Variants in CSMD1 observed in about 807,000 individuals in gnomAD.
CSMD1 encodes CUB and Sushi multiple domains 1, also known as CUB and sushi domain-containing protein 1.
In CSMD1, 213 loss-of-function variants were observed where a neutral mutation model predicts 417.5. That is an observed-to-expected ratio of 0.51 (90% CI 0.46 to 0.57). The LOEUF is 0.57. Ranked by LOEUF, CSMD1 falls within the 20% of genes least tolerant of loss-of-function variation. The pLI is 0.00. For missense variants in CSMD1, 6,923 were observed against 4,529.7 expected, an observed-to-expected ratio of 1.53 and a Z score of -15.17; for synonymous variants, 2,862 against 1,736.8, an observed-to-expected ratio of 1.65 and a Z score of -16.11.
At chr8:3,597,378 C>A (rs569722459) in intron 8 of CSMD1, among the ~76,000 whole-genome samples, 4 of 70,236 alleles carry the variant, frequency 5.7e-5, no homozygotes, top group East Asian at 1.2e-3. Flanking sequence ...AATTAAACTG[C>A]CCCTAAAGCT....
chr8:4,271,065 G>C (rs370733024), intron 3 of CSMD1, among the ~76,000 whole-genome samples: 13 of 152,276 alleles, frequency 8.5e-5, no homozygotes, highest in African/African-American at 2.6e-4. Context: ...AGCTGGTGCA[G>C]AAAGTTCAGA....
At chr8:3,338,171 G>A (rs772022118) in intron 23 of CSMD1, among the ~76,000 whole-genome samples, 4 of 152,156 alleles carry the variant, frequency 2.6e-5, no homozygotes, top group Admixed American at 6.5e-5. Flanking sequence ...AAGACACAAC[G>A]TATTTGATAT....
At chr8:4,890,707 G>T (rs930693961) in intron 1 of CSMD1, among the ~76,000 whole-genome samples, 5 of 152,170 alleles carry the variant, frequency 3.3e-5, no homozygotes, top group African/African-American at 1.2e-4. Context: ...TGTTCTGCAT[G>T]TTATTAGGTC....
chr8:3,001,742 C>A (rs1436059123), intron 52 of CSMD1, among the ~76,000 whole-genome samples: 2 of 152,130 alleles, frequency 1.3e-5, no homozygotes, highest in Non-Finnish European at 2.9e-5. Context: ...AGCCTTCAGT[C>A]CATGCAAAAT....
intron 25 of CSMD1, among the ~76,000 whole-genome samples, chr8:3,304,591 CTTTAAA>C (rs2117363683): frequency 1.3e-5 from 2 of 152,102 alleles, no homozygotes; most frequent in South Asian, 4.2e-4. Flanking sequence ...GAAGTTTATG[CTTTAAA>C]TTTAATAGAT....
chr8:3,592,919 G>A (rs1378279005), intron 8 of CSMD1, among the ~76,000 whole-genome samples: 1 of 152,042 alleles, frequency 6.6e-6, no homozygotes, highest in South Asian at 2.1e-4. Context: ...AAAGCCCACA[G>A]TGTGGAATCG....
intron 23 of CSMD1, among the ~76,000 whole-genome samples, chr8:3,329,851 G>C (rs1806780134): frequency 6.6e-6 from 1 of 152,190 alleles, no homozygotes; most frequent in Admixed American, 6.5e-5. Context: ...ACAGGGCACA[G>C]TGCCTATGGC....
chr8:4,239,134 C>T (rs1487787986), intron 3 of CSMD1, among the ~76,000 whole-genome samples: 3 of 152,198 alleles, frequency 2.0e-5, no homozygotes, highest in African/African-American at 7.2e-5. Context: ...AAACAATTTA[C>T]TCCCCAATTA....
intron 5 of CSMD1, among the ~76,000 whole-genome samples, chr8:3,922,330 T>G (rs193142377): frequency 6.6e-6 from 1 of 152,194 alleles, no homozygotes; most frequent in East Asian, 1.9e-4. Context: ...GTCAATTCAG[T>G]CACTCTGTCT....
chr8:4,262,363 C>G (rs947412609), intron 3 of CSMD1, among the ~76,000 whole-genome samples: 3 of 152,168 alleles, frequency 2.0e-5, no homozygotes, highest in Non-Finnish European at 4.4e-5. Context: ...TCCCAGGACA[C>G]ATAAGCAGGC....
intron 8 of CSMD1, among the ~76,000 whole-genome samples, chr8:3,605,419 T>C (rs191341275): frequency 1.3e-5 from 2 of 152,308 alleles, no homozygotes; most frequent in East Asian, 1.9e-4. Flanking sequence ...TGACCTACAA[T>C]GGAGAAATAA....
intron 1 of CSMD1, among the ~76,000 whole-genome samples, chr8:4,775,628 G>T (rs987039644): frequency 6.6e-6 from 1 of 152,140 alleles, no homozygotes; most frequent in Non-Finnish European, 1.5e-5. Context: ...GCAAACTTTA[G>T]ACAACACTTT....
rs540077882 is a variant in CSMD1 at position 3,593,850 on chromosome 8, A to G, written c.1098-7590T>C. Among the ~76,000 whole-genome samples, 445 of 151,684 alleles carry G rather than the reference A, an allele frequency of 2.9e-3. 3 individuals are homozygous for G. Among genetic ancestry groups the G allele is most frequent in the African/African-American group, 9.2e-3 (382 of 41,346 alleles). ...TCCCTATCTCCCTCTCTCTTTCTCT[A>G]TTTTTCTCTTTCCCTGCCTTCCTCC... On this transcript the variant is annotated intron_variant, in intron 8 of 69. Transcript: ENST00000635120.
intron 7 of CSMD1, among the ~76,000 whole-genome samples, chr8:3,618,991 G>T (rs937964110): frequency 4.6e-5 from 7 of 152,108 alleles, no homozygotes; most frequent in Admixed American, 6.6e-5. Flanking sequence ...GGCATAATTG[G>T]GATCTCTGGC....
At chr8:3,877,676 G>GTA (rs1554471423) in intron 5 of CSMD1, among the ~76,000 whole-genome samples, 1 of 82,818 alleles carries the variant, frequency 1.2e-5, no homozygotes, top group African/African-American at 1.2e-4. Context: ...AAGGGTCTGA[G>GTA]CACATGGCTT....
At chr8:4,100,095 C>G (rs928064602) in intron 3 of CSMD1, among the ~76,000 whole-genome samples, 2 of 152,160 alleles carry the variant, frequency 1.3e-5, no homozygotes, top group Non-Finnish European at 2.9e-5. Context: ...CAGACTCCTA[C>G]TCACTGGCTT....
At chr8:3,368,174 A>T (rs532732851) in intron 19 of CSMD1, among the ~76,000 whole-genome samples, 3 of 152,306 alleles carry the variant, frequency 2.0e-5, no homozygotes, top group East Asian at 3.9e-4. Flanking sequence ...CTTTATGCTT[A>T]ATTTCCTTCA....
chr8:4,556,319 G>C (rs1798084965), intron 2 of CSMD1, among the ~76,000 whole-genome samples: 1 of 151,992 alleles, frequency 6.6e-6, no homozygotes, highest in Non-Finnish European at 1.5e-5. Context: ...AAATAGTATA[G>C]AATACCTATT....
At chr8:3,897,488 T>C (rs937282831) in intron 5 of CSMD1, among the ~76,000 whole-genome samples, 3 of 152,156 alleles carry the variant, frequency 2.0e-5, no homozygotes, top group Non-Finnish European at 4.4e-5. Context: ...TTATTTATGA[T>C]CTTAAAGTCA....
Sources: allele counts gnomAD v4.1 joint callset (sites outside exome capture counted in the v4.1 genomes callset), GRCh38; gene constraint gnomAD v4.1.1; transcripts MANE v1.5; gene names NCBI Gene and HGNC (gene_info 2026-07-23, HGNC 2026-07-21).